Variants in SUN1 observed in about 807,000 individuals in gnomAD.
SUN1 encodes the protein SUN domain-containing protein 1.
In SUN1, 61 loss-of-function variants were observed where a neutral mutation model predicts 103.2. The ratio of observed to expected loss-of-function variants is 0.59; its 90% confidence interval spans 0.48 to 0.73. The LOEUF is 0.73. SUN1 is among the 30% of genes least tolerant of loss of function. SUN1 has a pLI of 0.00. For synonymous variants in SUN1, 490 were observed against 425.7 expected, an observed-to-expected ratio of 1.15 and a Z score of -1.86; for missense variants, 1,052 against 1,034.6, an observed-to-expected ratio of 1.02 and a Z score of -0.23.
At position 865,347 on chromosome 7, in the gene SUN1, G is replaced by A. The variant is rs140676605; in HGVS notation, c.1865-605G>A. ...GCTGGTCTGGAACTCCTGACCTCAA[G>A]TGATCCACCGGCCTCGGCCTCCCAA... On this transcript the variant is annotated intron_variant, in intron 15 of 18. Transcript: ENST00000401592. 4.8e-3 allele frequency among the ~76,000 whole-genome samples: 727 copies of A among 152,264 alleles called. 3 individuals carry two copies. Among genetic ancestry groups the A allele is most frequent in the Non-Finnish European group, 7.7e-3 (522 of 68,018 alleles).
At chr7:816,772 C>G (rs1216510038) in intron 1 of SUN1, 2 of 147,530 alleles carry the variant, frequency 1.4e-5, no homozygotes, top group Admixed American at 1.3e-4. Flanking sequence ...CGCGGGGTCG[C>G]GGCCTGGGCG....
intron 5 of SUN1, chr7:850,222 G>A (rs1584814461): frequency 1.3e-5 from 8 of 595,552 alleles, no homozygotes; most frequent in East Asian, 8.8e-5. Context: ...TTTTGGAAGC[G>A]GAGTCTCACT....
Position 869,343 on chromosome 7 carries a change from C to T in SUN1, c.1981-6C>T, listed in dbSNP as rs766555403. The T allele has an allele frequency of 1.4e-5, 22 of 1,611,428 alleles. No homozygotes were observed. The highest frequency in any genetic ancestry group is 2.7e-5 in the African/African-American group (2 of 74,740). On this transcript the variant is annotated splice_region_variant and splice_polypyrimidine_tract_variant and intron_variant, in intron 16 of 18. Transcript: ENST00000401592. ...CTCTGAGTCCTCATGTTTTTCCTTT[C>T]CCCAGCCTGACATTTACCCCGGTAA...
intron 13 of SUN1, among the ~76,000 whole-genome samples, chr7:859,770 GT>G (rs1489307841): frequency 1.3e-5 from 2 of 152,222 alleles, no homozygotes; most frequent in African/African-American, 4.8e-5. Flanking sequence ...ATCAGACCAA[GT>G]TTGTTGATGG....
chr7:838,677 C>G (rs1805984165), intron 1 of SUN1, 121 bp from the exon 2 acceptor site: 1 of 1,024,816 alleles, frequency 9.8e-7, no homozygotes, highest in South Asian at 1.9e-5. Context: ...AGGTTGTCAC[C>G]CAGTAATAGT....
chr7:859,143 AC>A, intron 13 of SUN1, among the ~76,000 whole-genome samples: 1 of 144,806 alleles, frequency 6.9e-6, no homozygotes, highest in East Asian at 2.0e-4. Context: ...ACAGAGCAAG[AC>A]TCCGTCTCAA....
At chr7:847,326 G>A (rs537762160) in intron 5 of SUN1, among the ~76,000 whole-genome samples, 24 of 150,246 alleles carry the variant, frequency 1.6e-4, no homozygotes, top group African/African-American at 5.1e-4. Flanking sequence ...CAGGCTCCGG[G>A]ATCCCCTGGG....
At chr7:840,317 C>T (rs1203943263) in intron 2 of SUN1, among the ~76,000 whole-genome samples, 1 of 152,252 alleles carries the variant, frequency 6.6e-6, no homozygotes, top group Non-Finnish European at 1.5e-5. Flanking sequence ...CATTGGGTAG[C>T]TCCGTGTCAA....
chr7:842,563 T>G, intron 3 of SUN1: 1 of 197,782 alleles, frequency 5.1e-6, no homozygotes, highest in Non-Finnish European at 1.2e-5. Flanking sequence ...GGTTAGAGAG[T>G]TCTTAGAGAA....
chr7:854,551 C>T (rs934343070), intron 10 of SUN1, among the ~76,000 whole-genome samples: 5 of 152,318 alleles, frequency 3.3e-5, no homozygotes, highest in South Asian at 4.1e-4. Context: ...CGCTGGATGG[C>T]GTGCTGGAGA....
chr7:848,164 G>T (rs1360277524), intron 5 of SUN1, among the ~76,000 whole-genome samples: 2 of 149,944 alleles, frequency 1.3e-5, no homozygotes, highest in Non-Finnish European at 3.0e-5. Flanking sequence ...TCCCCTGGGG[G>T]TTACTCTGCA....
At chr7:865,107 C>G (rs973960738) in intron 15 of SUN1, among the ~76,000 whole-genome samples, 1 of 152,132 alleles carries the variant, frequency 6.6e-6, no homozygotes, top group African/African-American at 2.4e-5. Context: ...TTTCACTTAA[C>G]ATAGTGACCT....
chr7:862,172 T>G (rs151301795), intron 15 of SUN1, among the ~76,000 whole-genome samples: 3 of 152,334 alleles, frequency 2.0e-5, no homozygotes, highest in Non-Finnish European at 4.4e-5. Flanking sequence ...AATCTTGGTT[T>G]TCTGAATTTT....
At position 818,868 on chromosome 7, in the gene SUN1, C is replaced by G. The variant is rs569808035; in HGVS notation, c.-74+2195C>G. ...CAGGTCCTTCCCCGCTCCCCTCCCC[C>G]CCTTTTTTTTTTTGAGACGGAGTTT... On this transcript the variant is annotated intron_variant, in intron 1 of 17. Transcript: ENST00000389574. 1.6e-4 allele frequency among the ~76,000 whole-genome samples: 21 copies of G among 127,442 alleles called. No individual in the cohort carries two copies. The East Asian group carries it at 3.8e-3, about 23-fold the overall frequency. The allele number at this position is 127,442 out of a possible 152,430, so 83.6% of individuals were successfully genotyped here.
At chr7:827,929 A>G (rs1794113819), upstream of SUN1, among the ~76,000 whole-genome samples, 2 of 152,286 alleles carry the variant, frequency 1.3e-5, no homozygotes, top group Admixed American at 1.3e-4. Flanking sequence ...TGTTTTTTTG[A>G]GACAGAGTCT....
At chr7:850,029 T>C (rs1820390906) in intron 5 of SUN1, 1 of 1,587,526 alleles carries the variant, frequency 6.3e-7, no homozygotes, top group African/African-American at 1.3e-5. Flanking sequence ...TCTGGGCATG[T>C]GCAGGTTGTC....
In SUN1 at chr7:873,320, C is replaced by T. The variant is rs1842955983; in HGVS notation, c.2347C>T (p.Pro783Ser). 1 of 1,613,888 alleles carries T rather than the reference C, an allele frequency of 6.2e-7. No homozygotes were observed. Among genetic ancestry groups the T allele is most frequent in the African/African-American group, 1.3e-5 (1 of 74,930 alleles). Residue 783 changes from proline to serine, a missense_variant, in exon 19 of 19, where the codon CCT becomes TCT. Coordinates refer to ENST00000401592, the MANE Select transcript of SUN1 (RefSeq NM_001130965.3). Reference sequence around the variant, plus strand: ...GTATCGGTTCAGAGTTCATGGCGAACCTGTCAAGTGAAGACACTACTCATT... The same window carrying T: ...GTATCGGTTCAGAGTTCATGGCGAATCTGTCAAGTGAAGACACTACTCATT... ...CLYRFRVHGEPVK is the reference protein window; with the variant it reads ...CLYRFRVHGESVK
At chr7:847,965 T>C (rs562085616) in intron 5 of SUN1, among the ~76,000 whole-genome samples, 9 of 150,174 alleles carry the variant, frequency 6.0e-5, no homozygotes, top group African/African-American at 2.2e-4. Context: ...CGCAGCGCCC[T>C]CTCTGGGATC....
At chr7:850,149 A>T in intron 5 of SUN1, 1 of 949,810 alleles carries the variant, frequency 1.1e-6, no homozygotes, top group South Asian at 1.6e-5. Context: ...AACTGACAGG[A>T]ATAGTATTAA....
Sources: gnomAD v4.1 joint callset for allele counts (sites outside exome capture counted in the v4.1 genomes callset) on GRCh38, gnomAD v4.1.1 for gene constraint, MANE v1.5 for transcripts, NCBI Gene and HGNC (gene_info 2026-07-23, HGNC 2026-07-21) for gene names.